The following CDC25C variants were observed in gnomAD, a reference collection of about 807,000 sequenced individuals.
The protein encoded by CDC25C is M-phase inducer phosphatase 3.
A neutral mutation model predicts 52.5 loss-of-function variants in CDC25C; 48 were observed. That is an observed-to-expected ratio of 0.91 (90% CI 0.72 to 1.16). CDC25C has a LOEUF of 1.16. Ranked by LOEUF, CDC25C falls within the 50% of genes most tolerant of loss-of-function variation. CDC25C has a pLI of 0.00. For synonymous variants in CDC25C, 187 were observed against 206.5 expected, an observed-to-expected ratio of 0.91 and a Z score of 0.81; for missense variants, 510 against 566.1, an observed-to-expected ratio of 0.90 and a Z score of 1.01.
At position 138,331,200 on chromosome 5, in the gene CDC25C, G is replaced by A; in HGVS notation, c.-20C>T. The stretch of plus-strand genomic sequence containing the variant: ...AGACATGGTCTTCGAATTCTCACCA[G>A]GAGAAAAACAAAACCTAGCTAGGAG... On this transcript the variant is annotated 5_prime_UTR_variant, in exon 2 of 14. Coordinates refer to ENST00000323760, the MANE Select transcript of CDC25C (RefSeq NM_001790.5). 4 of 1,612,752 alleles carry A rather than the reference G, an allele frequency of 2.5e-6. No homozygotes were observed. Among genetic ancestry groups the A allele is most frequent in the Non-Finnish European group, 3.4e-6 (4 of 1,178,926 alleles).
rs1377036025 is a variant in CDC25C, at chr5:138,286,599, A to G, written c.1058T>C (p.Leu353Pro). 6.2e-7 allele frequency: 1 copy of G among 1,613,674 alleles called. No homozygotes were observed. Among genetic ancestry groups the G allele is most frequent in the Non-Finnish European group, 8.5e-7 (1 of 1,179,670 alleles). The change falls in exon 12 of 14, where the codon CTG becomes CCG. Residue 353 changes from leucine (L) to proline (P), a missense_variant. Leu to Pro is a moderately conservative substitution (Grantham distance 98, BLOSUM62 -3). Coordinates refer to ENST00000323760, the MANE Select transcript of CDC25C (RefSeq NM_001790.5). ...GGGCTTCTTCAGAAAGAAGTTAAAC[A>G]GTTCTTCCTGACTATATAAGTTTAA... is the stretch of plus-strand genomic sequence containing the variant. The part of the protein sequence containing the change: ...GALNLYSQEE[L>P]FNFFLKKPIV...
At chr5:138,312,201 T>C (rs1374801416) in intron 7 of CDC25C, among the ~76,000 whole-genome samples, 1 of 152,066 alleles carries the variant, frequency 6.6e-6, no homozygotes, top group African/African-American at 2.4e-5. Context: ...TCTGGGTATA[T>C]ACCCTAAAGA....
At chr5:138,338,096 C>T (rs1000431470) in exon 1 of CDC25C, 1 of 1,289,806 alleles carries the variant, frequency 7.8e-7, no homozygotes, top group African/African-American at 1.5e-5. Flanking sequence ...AGGCTCGTTC[C>T]CAACAGCGCT....
chr5:138,323,444 T>G (rs1235033955), intron 6 of CDC25C, among the ~76,000 whole-genome samples: 2 of 151,956 alleles, frequency 1.3e-5, no homozygotes. Context: ...ACTACAGGCA[T>G]GCACCACCAA....
At chr5:138,292,562 C>T (rs1756837275) in intron 7 of CDC25C, among the ~76,000 whole-genome samples, 1 of 149,262 alleles carries the variant, frequency 6.7e-6, no homozygotes. Context: ...TTAAGGACCT[C>T]AACAAACCTA....
At chr5:138,323,951 C>G (rs904416229) in intron 6 of CDC25C, among the ~76,000 whole-genome samples, 1 of 147,104 alleles carries the variant, frequency 6.8e-6, no homozygotes, top group Non-Finnish European at 1.5e-5. Flanking sequence ...GAGCAAGATT[C>G]CATCTCAAAA....
intron 7 of CDC25C, among the ~76,000 whole-genome samples, chr5:138,299,166 C>T (rs1757442043): frequency 7.4e-6 from 1 of 135,190 alleles, no homozygotes; most frequent in South Asian, 2.5e-4. Flanking sequence ...GCACTCCAGC[C>T]TAGGTTACAG....
chr5:138,329,424 C>G (rs1300844272), intron 3 of CDC25C, 129 bp downstream of exon 3: 1 of 618,840 alleles, frequency 1.6e-6, no homozygotes, highest in Non-Finnish European at 2.9e-6. Context: ...CTCTAGTTAC[C>G]CACAAAATTC....
Position 138,325,917 on chromosome 5 carries a change from GT to G in CDC25C, c.370-14del. On this transcript the variant is annotated splice_polypyrimidine_tract_variant and intron_variant, in intron 5 of 13. Transcript: ENST00000323760. ...AAAGAAGCTGTGCCTAAAAAAGAGA[GT>G]TTGCTGAGAACGTCCAGCATCCTCA... 2 of 1,613,702 alleles carry G rather than the reference GT, an allele frequency of 1.2e-6. No individual in the cohort carries two copies. The highest frequency in any genetic ancestry group is 1.7e-6 in the Non-Finnish European group (2 of 1,179,594).
chr5:138,293,235 T>C (rs566313537), intron 7 of CDC25C, among the ~76,000 whole-genome samples: 134 of 152,268 alleles, frequency 8.8e-4, no homozygotes, highest in African/African-American at 3.1e-3. Context: ...GACTGGACCA[T>C]ATTGCTGGTT....
chr5:138,308,200 G>A (rs1312966535), intron 7 of CDC25C, among the ~76,000 whole-genome samples: 3 of 152,108 alleles, frequency 2.0e-5, no homozygotes, highest in African/African-American at 2.4e-5. Context: ...ATTTCCTGGG[G>A]TCAATCTATT....
chr5:138,320,407 A>C (rs1759268162), intron 6 of CDC25C, among the ~76,000 whole-genome samples: 1 of 152,204 alleles, frequency 6.6e-6, no homozygotes, highest in East Asian at 1.9e-4. Flanking sequence ...AAAGGTTGGA[A>C]ACAACTCAAA....
intron 2 of CDC25C, 45 bp downstream of exon 2, chr5:138,330,942 G>T: frequency 7.4e-7 from 1 of 1,352,146 alleles, no homozygotes; most frequent in Non-Finnish European, 1.1e-6. Context: ...CCAACTGTTT[G>T]GAAATAGCAA....
chr5:138,297,110 A>C (rs371548478), intron 7 of CDC25C, among the ~76,000 whole-genome samples: 18 of 149,876 alleles, frequency 1.2e-4, no homozygotes, highest in East Asian at 5.9e-4. Flanking sequence ...ACGGGGTTTC[A>C]CCATGTTAGC....
intron 7 of CDC25C, among the ~76,000 whole-genome samples, chr5:138,303,703 C>T (rs1019765635): frequency 1.3e-5 from 2 of 152,180 alleles, no homozygotes. Flanking sequence ...TAACAACTCT[C>T]ACCCTGCCCT....
chr5:138,306,714 G>C (rs1758029514), intron 7 of CDC25C, among the ~76,000 whole-genome samples: 1 of 151,204 alleles, frequency 6.6e-6, no homozygotes, highest in Admixed American at 6.6e-5. Flanking sequence ...GACCTCAGGT[G>C]ATCTGCCCAC....
intron 3 of CDC25C, among the ~76,000 whole-genome samples, chr5:138,329,149 C>T (rs777910199): frequency 6.6e-6 from 1 of 152,132 alleles, no homozygotes; most frequent in African/African-American, 2.4e-5. Context: ...GTGACCCGCC[C>T]GCCTTGCCCT....
chr5:138,324,937 G>T (rs1225233314), intron 6 of CDC25C, among the ~76,000 whole-genome samples: 1 of 151,958 alleles, frequency 6.6e-6, no homozygotes, highest in Admixed American at 6.6e-5. Context: ...GGCCGTGGTG[G>T]CACGTGCCTA....
chr5:138,338,001 A>C, exon 1 of CDC25C: 1 of 1,289,666 alleles, frequency 7.8e-7, no homozygotes, highest in South Asian at 1.2e-5. Context: ...ATGTGCCTCC[A>C]ACTGGGGCCG....
Sources: allele counts gnomAD v4.1 joint callset (sites outside exome capture counted in the v4.1 genomes callset), GRCh38; gene constraint gnomAD v4.1.1; transcripts MANE v1.5; gene names NCBI Gene and HGNC (gene_info 2026-07-23, HGNC 2026-07-21).